Variants in HS3ST5 observed in about 807,000 individuals in gnomAD.
The protein encoded by HS3ST5 is heparan sulfate glucosamine 3-O-sulfotransferase 5.
A neutral mutation model predicts 25.4 loss-of-function variants in HS3ST5; 10 were observed. The observed-to-expected ratio is 0.39, with a 90% CI of 0.24 to 0.67. HS3ST5 has a LOEUF of 0.67. Ranked by LOEUF, HS3ST5 falls within the 30% of genes least tolerant of loss-of-function variation. The pLI is 0.44. For synonymous variants in HS3ST5, 170 were observed against 162.4 expected (o/e 1.05, Z -0.36); for missense variants, 324 against 420.7 (o/e 0.77, Z 2.01).
intron 1 of HS3ST5, among the ~76,000 whole-genome samples, chr6:114,263,329 G>GA (rs1392270233): frequency 6.6e-6 from 1 of 151,522 alleles, no homozygotes; most frequent in Non-Finnish European, 1.5e-5. Flanking sequence ...TTCAAAAATG[G>GA]AAAAAAACTT....
chr6:114,064,805 C>T lies in HS3ST5; in HGVS notation c.-32-1928G>A, dbSNP rs1301946390. ...TAGTGAGAAAGAGTAATAGGAGGAACCTACTTCAGTCCTTCCTGAAGAAGT... is the reference window on the plus strand; with the variant it reads ...TAGTGAGAAAGAGTAATAGGAGGAATCTACTTCAGTCCTTCCTGAAGAAGT... On this transcript the variant is annotated intron_variant, in intron 3 of 4. Transcript: ENST00000312719. 2.6e-5 allele frequency among the ~76,000 whole-genome samples: 4 copies of T among 152,058 alleles called. No individual in the cohort carries two copies. The South Asian group carries it at 8.3e-4, about 32-fold the overall frequency.
intron 1 of HS3ST5, among the ~76,000 whole-genome samples, chr6:114,258,203 T>C (rs575751187): frequency 1.1e-4 from 16 of 152,304 alleles, no homozygotes; most frequent in African/African-American, 3.8e-4. Context: ...TCTGGGGTGA[T>C]TGTTGTTACC....
intron 3 of HS3ST5, among the ~76,000 whole-genome samples, chr6:114,109,327 C>A (rs1776148902): frequency 6.6e-6 from 1 of 152,002 alleles, no homozygotes; most frequent in African/African-American, 2.4e-5. Flanking sequence ...AGCAAAATTG[C>A]TGACCATTGA....
intron 1 of HS3ST5, among the ~76,000 whole-genome samples, chr6:114,278,016 C>T (rs539631255): frequency 9.2e-5 from 14 of 151,952 alleles, no homozygotes; most frequent in African/African-American, 3.4e-4. Flanking sequence ...TGATGAAGGC[C>T]ACCTGCGATG....
At chr6:114,283,384 G>A (rs1243144060) in intron 1 of HS3ST5, among the ~76,000 whole-genome samples, 2 of 151,704 alleles carry the variant, frequency 1.3e-5, no homozygotes, top group Non-Finnish European at 2.9e-5. Flanking sequence ...AGACCTCTTG[G>A]CAGCTTAGTA....
intron 1 of HS3ST5, among the ~76,000 whole-genome samples, chr6:114,256,707 T>C (rs1220000633): frequency 6.6e-6 from 1 of 152,122 alleles, no homozygotes; most frequent in Non-Finnish European, 1.5e-5. Context: ...GAGGAAGACT[T>C]TCCTACATTT....
chr6:114,192,923 C>T (rs542769509), intron 2 of HS3ST5, among the ~76,000 whole-genome samples: 1 of 152,300 alleles, frequency 6.6e-6, no homozygotes, highest in South Asian at 2.1e-4. Context: ...TATATCCATG[C>T]ATTTCATAGA....
chr6:114,114,328 G>C (rs191004704), intron 3 of HS3ST5, among the ~76,000 whole-genome samples: 245 of 152,220 alleles, frequency 1.6e-3, no homozygotes, highest in African/African-American at 5.7e-3. Flanking sequence ...CCATTGTGCT[G>C]TTACTTTTAA....
At chr6:114,212,927 C>T (rs1781570983) in intron 2 of HS3ST5, among the ~76,000 whole-genome samples, 1 of 152,170 alleles carries the variant, frequency 6.6e-6, no homozygotes, top group African/African-American at 2.4e-5. Context: ...GCTGACAGGA[C>T]TTTTAGCTTT....
intron 3 of HS3ST5, among the ~76,000 whole-genome samples, chr6:114,117,371 A>G (rs1375999022): frequency 1.3e-5 from 2 of 152,124 alleles, no homozygotes; most frequent in Non-Finnish European, 2.9e-5. Context: ...TCCACGCAAA[A>G]TCAGAAAATA....
chr6:114,328,222 G>A (rs1420666958), intron 1 of HS3ST5, among the ~76,000 whole-genome samples: 1 of 151,190 alleles, frequency 6.6e-6, no homozygotes, highest in Non-Finnish European at 1.5e-5. Flanking sequence ...AAAAAGGAAG[G>A]AAAGAAGGAA....
chr6:114,185,277 A>T (rs12525483), intron 2 of HS3ST5, among the ~76,000 whole-genome samples: 1 of 152,186 alleles, frequency 6.6e-6, no homozygotes, highest in East Asian at 1.9e-4. Context: ...GGGGAAAATA[A>T]TTAGGTCACG....
At chr6:114,229,312 T>G (rs1174721205) in intron 1 of HS3ST5, among the ~76,000 whole-genome samples, 1 of 152,212 alleles carries the variant, frequency 6.6e-6, no homozygotes, top group East Asian at 1.9e-4. Context: ...CTAGAATCTT[T>G]GTTGGATGAG....
In HS3ST5 at chr6:114,062,809, G is replaced by C. The variant is rs1316617508; in HGVS notation, c.37C>G (p.Leu13Val). ...ACGGCAAGGCTTCCCAGCACCAGGA[G>C]CTTCTGTCTCAGCCACGCCTGCTGT... The part of the protein sequence containing the change: ...FKQQAWLRQK[L>V]LVLGSLAVGS... The change falls in exon 4 of 5, where the codon CTC (leucine) becomes GTC (valine). Residue 13 changes from leucine to valine, a missense_variant. Leu to Val is a conservative substitution (Grantham distance 32). Transcript: ENST00000312719. 1 of 1,613,916 alleles carries C rather than the reference G, an allele frequency of 6.2e-7. No homozygotes were observed. The highest frequency in any genetic ancestry group is 1.3e-5 in the African/African-American group (1 of 74,902).
chr6:114,080,813 AAACT>A (rs1293109454), intron 3 of HS3ST5, among the ~76,000 whole-genome samples: 14 of 152,296 alleles, frequency 9.2e-5, no homozygotes, highest in African/African-American at 3.4e-4. Context: ...AAGGATTGAA[AAACT>A]AACTATTGGG....
At chr6:114,337,475 C>T (rs2114936327) in intron 1 of HS3ST5, among the ~76,000 whole-genome samples, 1 of 152,306 alleles carries the variant, frequency 6.6e-6, no homozygotes, top group East Asian at 1.9e-4. Flanking sequence ...AAGCATAAAA[C>T]ATTCAGTATC....
At chr6:114,215,881 T>G (rs1299452390) in intron 2 of HS3ST5, among the ~76,000 whole-genome samples, 3 of 152,246 alleles carry the variant, frequency 2.0e-5, no homozygotes, top group Non-Finnish European at 4.4e-5. Flanking sequence ...ATGAGTCCAC[T>G]CATCTTCTGG....
chr6:114,207,911 G>T (rs1781346893), intron 2 of HS3ST5, among the ~76,000 whole-genome samples: 1 of 152,090 alleles, frequency 6.6e-6, no homozygotes, highest in Non-Finnish European at 1.5e-5. Context: ...AGGGAAGTTT[G>T]TGCATATATC....
intron 1 of HS3ST5, among the ~76,000 whole-genome samples, chr6:114,268,174 T>C (rs1353994950): frequency 1.3e-5 from 2 of 152,188 alleles, no homozygotes; most frequent in Non-Finnish European, 2.9e-5. Flanking sequence ...AGTTCTTGGA[T>C]GGCTTTCATT....
Sources: allele counts gnomAD v4.1 joint callset (sites outside exome capture counted in the v4.1 genomes callset), GRCh38; gene constraint gnomAD v4.1.1; transcripts MANE v1.5; gene names NCBI Gene and HGNC (gene_info 2026-07-23, HGNC 2026-07-21).